Variants in SIGLEC14 observed in about 807,000 individuals in gnomAD.
SIGLEC14 encodes the protein sialic acid-binding Ig-like lectin 14.
SIGLEC14 carries 11 observed loss-of-function variants against 34.2 expected under a neutral mutation model. The observed-to-expected ratio is 0.32, with a 90% CI of 0.20 to 0.53. The LOEUF is 0.53. Among genes scored for constraint, SIGLEC14 ranks in the 20% least tolerant of loss-of-function variants. The pLI, the probability that SIGLEC14 is intolerant of heterozygous loss-of-function variation, is 0.95. For missense variants in SIGLEC14, 264 were observed against 439.0 expected (o/e 0.60, Z 3.56); for synonymous variants, 99 against 179.7 (o/e 0.55, Z 3.59).
Position 51,640,386 on chromosome 19 carries a change from T to C in SIGLEC14, c.*2969A>G, listed in dbSNP as rs1437847143. On this transcript the variant is annotated 3_prime_UTR_variant, in exon 7 of 7. Transcript: ENST00000360844. ...GCTGCTAAAATTCTAATACAACTCCTTCCATCTTTCTGGACTGAGAAACAA... is the reference window on the plus strand; with the variant it reads ...GCTGCTAAAATTCTAATACAACTCCCTCCATCTTTCTGGACTGAGAAACAA... Among the ~76,000 whole-genome samples the C allele has an allele frequency of 7.2e-6, 1 of 138,838 alleles. No homozygotes were observed. The highest frequency in any genetic ancestry group is 1.5e-5 in the Non-Finnish European group (1 of 64,908). The allele number at this position is 138,838 out of a possible 152,430, so 91.1% of individuals were successfully genotyped here. A position where few individuals can be genotyped will look rare whatever the true frequency, so the allele number is the denominator to read the frequency against.
Position 51,643,708 on chromosome 19 carries a change from G to T in SIGLEC14, c.1013-36C>A, listed in dbSNP as rs369594711. The T allele has an allele frequency of 1.0e-4, 158 of 1,524,670 alleles. 21 individuals carry two copies. Among genetic ancestry groups the T allele is most frequent in the Non-Finnish European group, 1.4e-4 (154 of 1,136,854 alleles). The allele number at this position is 1,524,670 out of a possible 1,614,324, so 94.4% of individuals were successfully genotyped here. On this transcript the variant is annotated intron_variant, in intron 5 of 6. Transcript: ENST00000360844. ...GGAGAAGGTAAGGTGCTGTTACCAG[G>T]CCTCAGTCCCTCCCACCAACCTGAA...
Position 51,643,363 on chromosome 19 carries a change from G to A in SIGLEC14, c.1183C>T (p.Pro395Ser), listed in dbSNP as rs1245903071. Residue 395 changes from proline (P) to serine (S), a missense_variant, in exon 7 of 7, where the codon CCT becomes TCT. By Grantham distance (74) the Pro-to-Ser change is moderately conservative. Coordinates refer to ENST00000360844, the MANE Select transcript of SIGLEC14 (RefSeq NM_001098612.3). ...TCTTGAGCGGGAGGGGCTCAGCCAGGCCTCTCAGCCCTGCTCTGCTGGGGG... is the reference window on the plus strand; with the variant it reads ...TCTTGAGCGGGAGGGGCTCAGCCAGACCTCTCAGCCCTGCTCTGCTGGGGG... Reference protein sequence around the residue: ...GGPQQSRAERPG With the variant: ...GGPQQSRAERSG 1 of 1,525,110 alleles carries A rather than the reference G, an allele frequency of 6.6e-7. No individual in the cohort carries two copies. Among genetic ancestry groups the A allele is most frequent in the Non-Finnish European group, 8.8e-7 (1 of 1,138,852 alleles). The allele number at this position is 1,525,110 out of a possible 1,614,324, so 94.5% of individuals were successfully genotyped here.
rs1983939741 is a variant in SIGLEC14, at chr19:51,643,033, A to G, written c.*322T>C. 1.2e-5 allele frequency: 3 copies of G among 245,386 alleles called. No individual in the cohort carries two copies. The highest frequency in any genetic ancestry group is 2.3e-5 in the Non-Finnish European group (3 of 132,820). The allele number at this position is 245,386 out of a possible 1,614,324, so 15.2% of individuals were successfully genotyped here. Reference sequence around the variant, plus strand: ...AGTGAGACTCTGTCTCAAAAAAAAAAAAAAAAAAAAAAGGTAACTTTTGGG... The same window carrying G: ...AGTGAGACTCTGTCTCAAAAAAAAAGAAAAAAAAAAAAGGTAACTTTTGGG... On this transcript the variant is annotated 3_prime_UTR_variant, in exon 7 of 7. Transcript: ENST00000360844.
chr19:51,646,229 G>A, intron 2 of SIGLEC14, 28 bp downstream of exon 2: 2 of 1,423,856 alleles, frequency 1.4e-6, no homozygotes, highest in Non-Finnish European at 1.9e-6. Context: ...CCACGTCCCA[G>A]GGTCCTCTCC....
Position 51,643,080 on chromosome 19 carries a change from G to T in SIGLEC14, c.*275C>A. On this transcript the variant is annotated 3_prime_UTR_variant, in exon 7 of 7. Transcript: ENST00000360844. Reference sequence around the variant, plus strand: ...TGGGTAATGGGTAATGGGGGTATAAGACCGAAAGTACATTCCCTTCACAGG... The same window carrying T: ...TGGGTAATGGGTAATGGGGGTATAATACCGAAAGTACATTCCCTTCACAGG... 3.2e-6 allele frequency: 1 copy of T among 309,478 alleles called. No homozygotes were observed. Among genetic ancestry groups the T allele is most frequent in the Non-Finnish European group, 5.7e-6 (1 of 175,604 alleles). 19.2% of individuals were successfully genotyped at this position (309,478 alleles called of 1,614,324 possible). A position where few individuals can be genotyped will look rare whatever the true frequency, so the allele number is the denominator to read the frequency against.
chr19:51,643,097 C>T lies in SIGLEC14; in HGVS notation c.*258G>A. 1 of 414,390 alleles carries T rather than the reference C, an allele frequency of 2.4e-6. No homozygotes were observed. The highest frequency in any genetic ancestry group is 3.4e-5 in the Admixed American group (1 of 29,048). 25.7% of individuals were successfully genotyped at this position (414,390 alleles called of 1,614,324 possible). On this transcript the variant is annotated 3_prime_UTR_variant, in exon 7 of 7. Coordinates refer to ENST00000360844, the MANE Select transcript of SIGLEC14 (RefSeq NM_001098612.3). Reference sequence around the variant, plus strand: ...GGGTATAAGACCGAAAGTACATTCCCTTCACAGGGCTGGAGATGGTGGATG... The same window carrying T: ...GGGTATAAGACCGAAAGTACATTCCTTTCACAGGGCTGGAGATGGTGGATG...
chr19:51,643,264 G>C lies in SIGLEC14; in HGVS notation c.*91C>G. 4.1e-6 allele frequency: 5 copies of C among 1,226,948 alleles called. 2 individuals carry two copies. The highest frequency in any genetic ancestry group is 5.7e-6 in the Non-Finnish European group (5 of 875,838). 76.0% of individuals were successfully genotyped at this position (1,226,948 alleles called of 1,614,324 possible). On this transcript the variant is annotated 3_prime_UTR_variant, in exon 7 of 7. Transcript: ENST00000360844. ...AAAAGAGGGGTAGTCAGTGGGATGTGAGCTTCCAGAAAGAAGCTGACAGTG... is the reference window on the plus strand; with the variant it reads ...AAAAGAGGGGTAGTCAGTGGGATGTCAGCTTCCAGAAAGAAGCTGACAGTG...
At position 51,645,475 on chromosome 19, in the gene SIGLEC14, A is replaced by G. The variant is rs769064106; in HGVS notation, c.754+2T>C. ...CCCCAGAGGGAAGAGGGTCTTTCCT[A>G]CCTGTGCCTGTGCCATTTCTGAAGA... On this transcript the variant is annotated splice_donor_variant, in intron 4 of 6. Transcript: ENST00000360844. LOFTEE classifies it high-confidence loss of function. 2.2e-5 allele frequency: 34 copies of G among 1,529,508 alleles called. 8 individuals are homozygous for G. In the South Asian group the frequency reaches 4.0e-4, roughly 18 times the overall value. 94.7% of individuals were successfully genotyped at this position (1,529,508 alleles called of 1,614,324 possible). A position where few individuals can be genotyped will look rare whatever the true frequency, so the allele number is the denominator to read the frequency against.
At position 51,645,973 on chromosome 19, in the gene SIGLEC14, C is replaced by T; in HGVS notation, c.509G>A (p.Cys170Tyr). 1 of 1,396,356 alleles carries T rather than the reference C, an allele frequency of 7.2e-7. No homozygotes were observed. Among genetic ancestry groups the T allele is most frequent in the African/African-American group, 1.8e-5 (1 of 56,652 alleles). The allele number at this position is 1,396,356 out of a possible 1,614,324, so 86.5% of individuals were successfully genotyped here. Residue 170 changes from cysteine to tyrosine, a missense_variant, in exon 3 of 7, where the codon TGT becomes TAT. Cys to Tyr is a radical substitution (Grantham distance 194, BLOSUM62 -2). Coordinates refer to ENST00000360844, the MANE Select transcript of SIGLEC14 (RefSeq NM_001098612.3). ...GAATGTGAGAGGTGGTCCCGCTTCA[C>T]AGGATCCTGGAAGGCTGCAGCTCAG... Reference protein sequence around the residue: ...TRLSCSLPGSCEAGPPLTFSW... With the variant: ...TRLSCSLPGSYEAGPPLTFSW...
chr19:51,644,281 C>T lies in SIGLEC14; in HGVS notation c.755-245G>A, dbSNP rs559896384. Reference sequence around the variant, plus strand: ...GAGAAGTGGATGGGCAGCTCAGGTGCAGACGTGCCAAGAACTGAGACAGGC... The same window carrying T: ...GAGAAGTGGATGGGCAGCTCAGGTGTAGACGTGCCAAGAACTGAGACAGGC... On this transcript the variant is annotated intron_variant, in intron 4 of 6. Transcript: ENST00000360844. Among the ~76,000 whole-genome samples the T allele has an allele frequency of 2.8e-3, 391 of 137,590 alleles. 69 individuals are homozygous for T. The highest frequency in any genetic ancestry group is 0.01 in the African/African-American group (370 of 36,070). 90.3% of individuals were successfully genotyped at this position (137,590 alleles called of 152,430 possible).
At chr19:51,643,483 G>GGGGGGGGGGGGGGC in intron 6 of SIGLEC14, 54 bp downstream of exon 6, 1 of 1,297,886 alleles carries the variant, frequency 7.7e-7, no homozygotes, top group East Asian at 5.4e-5. Context: ...GGGCAGGACA[G>GGGGGGGGGGGGGGC]CTCAGCCCCA....
rs771096713 is a variant in SIGLEC14, at chr19:51,643,832, C to T, written c.959G>A (p.Arg320Gln). 8 of 1,530,584 alleles carry T rather than the reference C, an allele frequency of 5.2e-6. 1 individual carries two copies. The highest frequency in any genetic ancestry group is 3.0e-5 in the African/African-American group (2 of 67,704). 94.8% of individuals were successfully genotyped at this position (1,530,584 alleles called of 1,614,324 possible). A position where few individuals can be genotyped will look rare whatever the true frequency, so the allele number is the denominator to read the frequency against. Residue 320 changes from arginine (R) to glutamine (Q), a missense_variant, in exon 5 of 7, where the codon CGG becomes CAG. Physicochemically the swap from Arg to Gln is conservative, Grantham distance 43. Coordinates refer to ENST00000360844, the MANE Select transcript of SIGLEC14 (RefSeq NM_001098612.3). ...CTGGGAGCCCAGCGGATGCTGAACC[C>T]GGCAGGTGAATTCCCCTCCCTCTCT... ...GAREGGEFTCRVQHPLGSQHL... is the reference protein window; with the variant it reads ...GAREGGEFTCQVQHPLGSQHL...
intron 6 of SIGLEC14, 58 bp downstream of exon 6, chr19:51,643,479 G>GGGGCCCCA: frequency 7.7e-7 from 1 of 1,296,398 alleles, no homozygotes; most frequent in Admixed American, 2.4e-5. Flanking sequence ...CCTGGGGCAG[G>GGGGCCCCA]ACAGCTCAGC....
chr19:51,643,045 A>C lies in SIGLEC14; in HGVS notation c.*310T>G, dbSNP rs910202310. ...TCTCAAAAAAAAAAAAAAAAAAAAA[A>C]GGTAACTTTTGGGTAATGGGTAATG... On this transcript the variant is annotated 3_prime_UTR_variant, in exon 7 of 7. Coordinates refer to ENST00000360844, the MANE Select transcript of SIGLEC14 (RefSeq NM_001098612.3). The C allele has an allele frequency of 1.3e-5, 3 of 234,914 alleles. No homozygotes were observed. Among genetic ancestry groups the C allele is most frequent in the Non-Finnish European group, 2.3e-5 (3 of 129,456 alleles). The allele number at this position is 234,914 out of a possible 1,614,324, so 14.6% of individuals were successfully genotyped here. A position where few individuals can be genotyped will look rare whatever the true frequency, so the allele number is the denominator to read the frequency against.
At position 51,643,566 on chromosome 19, in the gene SIGLEC14, G is replaced by A; in HGVS notation, c.1119C>T (p.Thr373=). 6.5e-7 allele frequency: 1 copy of A among 1,528,382 alleles called. No homozygotes were observed. The allele number at this position is 1,528,382 out of a possible 1,614,324, so 94.7% of individuals were successfully genotyped here. The stretch of plus-strand genomic sequence containing the variant: ...TATAGTAGATCCAGGTGAGGCCATA[G>A]GTGAGGAGGAAGCCAGCCCCCATGA... ...GALMGAGFLL[T]YGLTWIYYTR... is the part of the protein sequence containing the mutation. Residue 373 remains threonine, a synonymous_variant, in exon 6 of 7, where the codon ACC becomes ACT. Coordinates refer to ENST00000360844, the MANE Select transcript of SIGLEC14 (RefSeq NM_001098612.3).
In SIGLEC14 at chr19:51,645,830, G is replaced by C; in HGVS notation, c.652C>G (p.Gln218Glu). The C allele has an allele frequency of 1.3e-6, 2 of 1,529,692 alleles. No individual in the cohort carries two copies. Among genetic ancestry groups the C allele is most frequent in the Non-Finnish European group, 1.8e-6 (2 of 1,140,592 alleles). The allele number at this position is 1,529,692 out of a possible 1,614,324, so 94.8% of individuals were successfully genotyped here. ...GTNLTCQVKR[Q>E]GAQVTTERTV... ...CTCTCCGTGGTCACCTGAGCTCCTT[G>C]GCGTTTCACCTGACAGGTGAGGTTG... is the stretch of plus-strand genomic sequence containing the variant. Residue 218 changes from glutamine (Q) to glutamate (E), a missense_variant, in exon 3 of 7, where the codon CAA becomes GAA. By Grantham distance (29) the Gln-to-Glu change is conservative (BLOSUM62 2). This residue lies in a region of SIGLEC14 where 45 missense variants were observed against 96.7 expected (regional missense o/e 0.47). Transcript: ENST00000360844.
intron 4 of SIGLEC14, among the ~76,000 whole-genome samples, chr19:51,644,702 G>A (rs1024249180): frequency 1.5e-5 from 2 of 137,812 alleles, no homozygotes; most frequent in Non-Finnish European, 3.1e-5. Flanking sequence ...GATGAGAAAG[G>A]GTGCTGTCTA....
intron 4 of SIGLEC14, among the ~76,000 whole-genome samples, chr19:51,644,337 C>A (rs1021938657): frequency 2.2e-5 from 3 of 137,508 alleles, no homozygotes. Flanking sequence ...AGATCCGCAA[C>A]CTGTCAGGGA....
At position 51,643,156 on chromosome 19, in the gene SIGLEC14, G is replaced by A. The variant is rs1411652710; in HGVS notation, c.*199C>T. On this transcript the variant is annotated 3_prime_UTR_variant, in exon 7 of 7. Coordinates refer to ENST00000360844, the MANE Select transcript of SIGLEC14 (RefSeq NM_001098612.3). Reference sequence around the variant, plus strand: ...AGAGAAGGGCAGGTGGAGAGGGGATGGGGTGCAGATGGGGATGCAGGTGTG... The same window carrying A: ...AGAGAAGGGCAGGTGGAGAGGGGATAGGGTGCAGATGGGGATGCAGGTGTG... The A allele has an allele frequency of 2.3e-5, 12 of 531,614 alleles. No individual in the cohort carries two copies. Among genetic ancestry groups the A allele is most frequent in the Admixed American group, 4.8e-5 (2 of 41,568 alleles). 32.9% of individuals were successfully genotyped at this position (531,614 alleles called of 1,614,324 possible). A position where few individuals can be genotyped will look rare whatever the true frequency, so the allele number is the denominator to read the frequency against.
Sources: gnomAD v4.1 joint callset for allele counts (sites outside exome capture counted in the v4.1 genomes callset) on GRCh38, gnomAD v4.1.1 for gene constraint, gnomAD v4.1.1 regional missense constraint, MANE v1.5 for transcripts, NCBI Gene and HGNC (gene_info 2026-07-23, HGNC 2026-07-21) for gene names.